ASTN1: variants seen among roughly 807,000 people sequenced by gnomAD.
The protein encoded by ASTN1 is astrotactin-1.
ASTN1 carries 41 observed loss-of-function variants against 140.7 expected under a neutral mutation model. The ratio of observed to expected loss-of-function variants is 0.29; its 90% CI spans 0.23 to 0.38. ASTN1 has a LOEUF of 0.38. ASTN1 is among the 10% of genes least tolerant of loss of function. The pLI is 1.00. For synonymous variants in ASTN1, 640 were observed against 652.2 expected, an observed-to-expected ratio of 0.98 and a Z score of 0.29; for missense variants, 1,479 against 1,678.8, an observed-to-expected ratio of 0.88 and a Z score of 2.08.
At position 176,958,280 on chromosome 1, in the gene ASTN1, T is replaced by A. The variant is rs112380334; in HGVS notation, c.1736+65A>T. On this transcript the variant is annotated intron_variant, in intron 10 of 22. Coordinates refer to ENST00000361833, the MANE Select transcript of ASTN1 (RefSeq NM_004319.3). ...GACTCCTTCCCCAGCACCTAAAACCTACAGGTAGTTTCTCATTCTGCTTCC... is the reference window on the plus strand; with the variant it reads ...GACTCCTTCCCCAGCACCTAAAACCAACAGGTAGTTTCTCATTCTGCTTCC... 678 of 1,607,738 alleles carry A rather than the reference T, an allele frequency of 4.2e-4. 8 individuals carry two copies. The African/African-American group carries it at 7.7e-3, about 18-fold the overall frequency.
intron 8 of ASTN1, among the ~76,000 whole-genome samples, chr1:177,005,963 C>A (rs1003523857): frequency 3.9e-5 from 6 of 152,162 alleles, no homozygotes; most frequent in Non-Finnish European, 8.8e-5. Context: ...TGTTCAGTGA[C>A]ATTTAAGTTG....
intron 8 of ASTN1, among the ~76,000 whole-genome samples, chr1:177,012,585 C>T (rs1675344742): frequency 6.6e-6 from 1 of 152,220 alleles, no homozygotes; most frequent in East Asian, 1.9e-4. Context: ...CTATAACTCA[C>T]TGCTTTAGCC....
chr1:176,994,535 G>T lies in ASTN1; in HGVS notation c.1523+20256C>A, dbSNP rs1329618252. Reference sequence around the variant, plus strand: ...TTTTAGCATTTTTAGTAGAGATAGGGTTTCATCATGTTGGCCAGGCTGGTC... The same window carrying T: ...TTTTAGCATTTTTAGTAGAGATAGGTTTTCATCATGTTGGCCAGGCTGGTC... On this transcript the variant is annotated intron_variant, in intron 8 of 22. Coordinates refer to ENST00000361833, the MANE Select transcript of ASTN1 (RefSeq NM_004319.3). Among the ~76,000 whole-genome samples, 7 of 152,080 alleles carry T rather than the reference G, an allele frequency of 4.6e-5. No homozygotes were observed. In the South Asian group the frequency reaches 6.2e-4, roughly 14 times the overall value.
chr1:177,127,653 G>A (rs1681721009), intron 1 of ASTN1, among the ~76,000 whole-genome samples: 1 of 152,176 alleles, frequency 6.6e-6, no homozygotes, highest in Non-Finnish European at 1.5e-5. Flanking sequence ...GGTCCCCTCT[G>A]AAGATCCCTG....
chr1:177,075,367 C>G (rs1183843499), intron 1 of ASTN1, among the ~76,000 whole-genome samples: 3 of 151,608 alleles, frequency 2.0e-5, no homozygotes, highest in Non-Finnish European at 1.5e-5. Context: ...CCACTGCGCC[C>G]AGCCATTTCT....
At chr1:177,045,912 C>CT (rs1558055792) in intron 2 of ASTN1, among the ~76,000 whole-genome samples, 9 of 151,548 alleles carry the variant, frequency 5.9e-5, no homozygotes, top group Non-Finnish European at 1.3e-4. Flanking sequence ...CTGCTACAGA[C>CT]ACATGCTTTA....
intron 9 of ASTN1, 79 bp from the exon 10 acceptor site, chr1:176,958,561 C>T (rs1228434298): frequency 2.7e-6 from 4 of 1,469,524 alleles, no homozygotes; most frequent in African/African-American, 1.4e-5. Context: ...ATTCCATTAC[C>T]AGTGCTTTCT....
At chr1:177,004,903 G>A (rs1172956268) in intron 8 of ASTN1, among the ~76,000 whole-genome samples, 2 of 152,064 alleles carry the variant, frequency 1.3e-5, no homozygotes. Context: ...AAACCATCTG[G>A]ACATTGGCCT....
intron 8 of ASTN1, among the ~76,000 whole-genome samples, chr1:176,996,324 GAGAC>G (rs1553240606): frequency 6.6e-6 from 1 of 151,414 alleles, no homozygotes; most frequent in African/African-American, 2.4e-5. Flanking sequence ...GAGAGAGAGA[GAGAC>G]AGAGACAGAG....
At chr1:177,078,881 G>C (rs896248609) in intron 1 of ASTN1, among the ~76,000 whole-genome samples, 10 of 152,096 alleles carry the variant, frequency 6.6e-5, no homozygotes, top group African/African-American at 2.4e-4. Flanking sequence ...GTACATGACA[G>C]CCAAAATCAG....
intron 1 of ASTN1, among the ~76,000 whole-genome samples, chr1:177,120,235 T>TCACA (rs1681314467): frequency 6.6e-6 from 1 of 152,174 alleles, no homozygotes; most frequent in Non-Finnish European, 1.5e-5. Context: ...GCTGCAACAA[T>TCACA]CACACTCACC....
At chr1:177,118,201 A>G (rs1044730772) in intron 1 of ASTN1, among the ~76,000 whole-genome samples, 1 of 151,982 alleles carries the variant, frequency 6.6e-6, no homozygotes, top group Non-Finnish European at 1.5e-5. Flanking sequence ...AAGAGTAAAT[A>G]TATATTAGTA....
intron 8 of ASTN1, among the ~76,000 whole-genome samples, chr1:176,967,613 A>G (rs1269074648): frequency 6.6e-6 from 1 of 152,232 alleles, no homozygotes; most frequent in East Asian, 1.9e-4. Flanking sequence ...GTTTGAAAAT[A>G]TATTTTCAGG....
At chr1:177,006,502 C>G (rs1354576090) in intron 8 of ASTN1, among the ~76,000 whole-genome samples, 2 of 152,062 alleles carry the variant, frequency 1.3e-5, no homozygotes, top group Non-Finnish European at 2.9e-5. Context: ...AGATGAAAGT[C>G]TAGGGAGCAT....
rs534579218 is a variant in ASTN1 at position 176,863,024 on chromosome 1, T to C, written c.*1260A>G. 1.0e-6 allele frequency: 1 copy of C among 985,556 alleles called. No homozygotes were observed. The highest frequency in any genetic ancestry group is 1.1e-4 in the East Asian group (1 of 8,794). The allele number at this position is 985,556 out of a possible 1,614,324, so 61.1% of individuals were successfully genotyped here. On this transcript the variant is annotated 3_prime_UTR_variant, in exon 23 of 23. Coordinates refer to ENST00000361833, the MANE Select transcript of ASTN1 (RefSeq NM_004319.3). ...CAACAGGGCCTTGCCAGGCTCTTTCTGAAAGGCTGGGCTTCCTGTTGGCTG... is the reference window on the plus strand; with the variant it reads ...CAACAGGGCCTTGCCAGGCTCTTTCCGAAAGGCTGGGCTTCCTGTTGGCTG...
At chr1:177,130,869 A>T (rs1371378256) in intron 1 of ASTN1, among the ~76,000 whole-genome samples, 1 of 152,238 alleles carries the variant, frequency 6.6e-6, no homozygotes, top group Non-Finnish European at 1.5e-5. Context: ...TGAGGTTTGC[A>T]GAGGCTGGTT....
chr1:177,101,634 C>T (rs887006067), intron 1 of ASTN1, among the ~76,000 whole-genome samples: 2 of 152,132 alleles, frequency 1.3e-5, no homozygotes, highest in Non-Finnish European at 2.9e-5. Flanking sequence ...CATAGGCTTG[C>T]TATCTTTGTT....
At chr1:177,009,215 CAGG>C (rs1206221404) in intron 8 of ASTN1, among the ~76,000 whole-genome samples, 1 of 152,130 alleles carries the variant, frequency 6.6e-6, no homozygotes, top group African/African-American at 2.4e-5. Context: ...TTTAGGTGGA[CAGG>C]AGAAGTCAGG....
At chr1:176,961,457 G>A (rs142596863) in intron 9 of ASTN1, among the ~76,000 whole-genome samples, 223 of 152,282 alleles carry the variant, frequency 1.5e-3, no homozygotes, top group Non-Finnish European at 1.8e-3. Context: ...CTGCAAAGGG[G>A]CAGGTGCTCT....
Sources: gnomAD v4.1 joint callset for allele counts (sites outside exome capture counted in the v4.1 genomes callset) on GRCh38, gnomAD v4.1.1 for gene constraint, MANE v1.5 for transcripts, NCBI Gene and HGNC (gene_info 2026-07-23, HGNC 2026-07-21) for gene names.